EYS: variants seen among roughly 807,000 people sequenced by gnomAD.
EYS encodes protein eyes shut homolog.
Under a neutral mutation model 282.1 loss-of-function variants are expected in EYS, and 250 were observed. The ratio of observed to expected loss-of-function variants is 0.89; its 90% CI spans 0.80 to 0.98. The LOEUF (loss-of-function observed/expected upper bound fraction) is 0.98. Ranked by LOEUF, EYS falls within the 50% of genes least tolerant of loss-of-function variation. The pLI is 0.00. For synonymous variants in EYS, 1,355 were observed against 1,282.9 expected, an observed-to-expected ratio of 1.06 and a Z score of -1.20; for missense variants, 4,016 against 3,709.0, an observed-to-expected ratio of 1.08 and a Z score of -2.15.
At chr6:64,807,729 T>C (rs1027675903) in intron 22 of EYS, among the ~76,000 whole-genome samples, 2 of 152,134 alleles carry the variant, frequency 1.3e-5, no homozygotes, top group Non-Finnish European at 2.9e-5. Context: ...TTCACTTCTC[T>C]ATAAATCACC....
chr6:64,997,530 T>G (rs1014887445), intron 14 of EYS, 52 bp downstream of exon 14: 5 of 1,516,250 alleles, frequency 3.3e-6, no homozygotes, highest in Non-Finnish European at 4.5e-6. Flanking sequence ...TACATAGGTG[T>G]TAAATTATAT....
At chr6:65,126,729 G>A (rs1775730635) in intron 12 of EYS, among the ~76,000 whole-genome samples, 2 of 152,130 alleles carry the variant, frequency 1.3e-5, no homozygotes, top group Non-Finnish European at 2.9e-5. Context: ...TTTAGAGCAG[G>A]AAGCTGCCAC....
At chr6:64,812,604 ATACTT>A (rs1764631270) in intron 22 of EYS, among the ~76,000 whole-genome samples, 1 of 151,998 alleles carries the variant, frequency 6.6e-6, no homozygotes, top group Non-Finnish European at 1.5e-5. Flanking sequence ...AATGATAAGT[ATACTT>A]TACTAGTAAA....
rs372013422 is a variant in EYS at position 65,368,703 on chromosome 6, T to G, written c.1300-15086A>C. Reference sequence around the variant, plus strand: ...ATAGAACTAGAAAAACAGTAACACATGCACATGAACAATATTTAAAAGTGA... The same window carrying G: ...ATAGAACTAGAAAAACAGTAACACAGGCACATGAACAATATTTAAAAGTGA... On this transcript the variant is annotated intron_variant, in intron 8 of 42. Coordinates refer to ENST00000503581, the MANE Select transcript of EYS (RefSeq NM_001142800.2). 1.7e-4 allele frequency among the ~76,000 whole-genome samples: 26 copies of G among 151,806 alleles called. 1 individual carries two copies. The East Asian group carries it at 4.6e-3, about 27-fold the overall frequency.
rs1395465121 is a variant in EYS at position 65,653,191 on chromosome 6, C to A, written c.-447-13299G>T. Among the ~76,000 whole-genome samples the A allele has an allele frequency of 7.9e-5, 12 of 151,816 alleles. No homozygotes were observed. In the South Asian group the frequency reaches 1.5e-3, roughly 18 times the overall value. Reference sequence around the variant, plus strand: ...TTCACTTAATTTTTATCTGTGCCTACCTTTGTCCAAAACCACCCAGAAGCA... The same window carrying A: ...TTCACTTAATTTTTATCTGTGCCTAACTTTGTCCAAAACCACCCAGAAGCA... On this transcript the variant is annotated intron_variant, in intron 1 of 42. Coordinates refer to ENST00000503581, the MANE Select transcript of EYS (RefSeq NM_001142800.2).
chr6:65,536,712 G>T (rs1259682797), intron 2 of EYS, among the ~76,000 whole-genome samples: 1 of 151,976 alleles, frequency 6.6e-6, no homozygotes, highest in African/African-American at 2.4e-5. Context: ...AATTAGATAA[G>T]ACCTCAACAA....
chr6:64,955,454 G>A (rs1769666379), intron 14 of EYS, among the ~76,000 whole-genome samples: 1 of 152,116 alleles, frequency 6.6e-6, no homozygotes, highest in Non-Finnish European at 1.5e-5. Context: ...GAGAGTCTTG[G>A]GAGAGAGGCA....
At chr6:64,044,154 CA>C (rs1346869438) in intron 33 of EYS, among the ~76,000 whole-genome samples, 2 of 152,088 alleles carry the variant, frequency 1.3e-5, no homozygotes, top group African/African-American at 2.4e-5. Flanking sequence ...GTCTTTTCAG[CA>C]AAAAATTTAC....
intron 12 of EYS, among the ~76,000 whole-genome samples, chr6:65,166,271 C>T (rs985929796): frequency 1.3e-5 from 2 of 151,120 alleles, no homozygotes; most frequent in South Asian, 2.1e-4. Flanking sequence ...GTCACAAAAT[C>T]GTCCAAATAA....
intron 29 of EYS, among the ~76,000 whole-genome samples, chr6:64,355,493 G>T (rs868224144): frequency 6.6e-6 from 1 of 151,518 alleles, no homozygotes; most frequent in South Asian, 2.1e-4. Flanking sequence ...GTGGGTATTT[G>T]TATTCATTGA....
At chr6:64,281,148 A>G (rs60830181) in intron 30 of EYS, among the ~76,000 whole-genome samples, 5,800 of 152,212 alleles carry the variant, frequency 0.038, 355 homozygotes, top group African/African-American at 0.13. Flanking sequence ...GGACACTGCA[A>G]TCCTTTAATT....
At chr6:65,594,172 G>A (rs1407911012) in intron 2 of EYS, among the ~76,000 whole-genome samples, 1 of 151,942 alleles carries the variant, frequency 6.6e-6, no homozygotes, top group Non-Finnish European at 1.5e-5. Context: ...TGATTACCAT[G>A]TGCTAGGCAT....
intron 24 of EYS, among the ~76,000 whole-genome samples, chr6:64,594,060 C>A (rs1479341319): frequency 6.6e-6 from 1 of 152,022 alleles, no homozygotes; most frequent in Non-Finnish European, 1.5e-5. Context: ...AATAGGCATC[C>A]CTGCTTTAGT....
chr6:64,401,564 G>A (rs1336854286), intron 28 of EYS, among the ~76,000 whole-genome samples: 2 of 151,566 alleles, frequency 1.3e-5, no homozygotes, highest in African/African-American at 4.8e-5. Context: ...ATATTTATGG[G>A]CTACATGTGA....
rs553901974 is a variant in EYS, at chr6:63,810,007, C to T, written c.7229-3635G>A. Among the ~76,000 whole-genome samples, 130 of 150,410 alleles carry T rather than the reference C, an allele frequency of 8.6e-4. 1 individual carries two copies. The highest frequency in any genetic ancestry group is 9.2e-4 in the Non-Finnish European group (62 of 67,654). ...CTGTAATCCCAGCACTTTGGGAGGC[C>T]GAGGCGGGTGGATCATGAGGTCAGG... On this transcript the variant is annotated intron_variant, in intron 36 of 42. Coordinates refer to ENST00000503581, the MANE Select transcript of EYS (RefSeq NM_001142800.2).
At chr6:64,733,911 G>A (rs1246880344) in intron 22 of EYS, 1 of 156,642 alleles carries the variant, frequency 6.4e-6, no homozygotes, top group Non-Finnish European at 1.4e-5. Flanking sequence ...AACTGTAGAT[G>A]ACCAGTCCCA....
chr6:65,289,451 T>C (rs767476283), intron 12 of EYS, among the ~76,000 whole-genome samples: 2 of 151,108 alleles, frequency 1.3e-5, no homozygotes, highest in Non-Finnish European at 3.0e-5. Context: ...GAGTTTTTTC[T>C]TGAGGACTAC....
intron 2 of EYS, among the ~76,000 whole-genome samples, chr6:65,506,019 G>C (rs1043319543): frequency 6.6e-6 from 1 of 152,184 alleles, no homozygotes; most frequent in Non-Finnish European, 1.5e-5. Flanking sequence ...TCTTATTCCT[G>C]TCTGTTTTAT....
intron 33 of EYS, among the ~76,000 whole-genome samples, chr6:64,059,824 A>T (rs1360592115): frequency 6.6e-6 from 1 of 152,202 alleles, no homozygotes; most frequent in East Asian, 1.9e-4. Context: ...ATGCATGGAT[A>T]AAGGTGCAAG....
Sources: gnomAD v4.1 joint callset for allele counts (sites outside exome capture counted in the v4.1 genomes callset) on GRCh38, gnomAD v4.1.1 for gene constraint, MANE v1.5 for transcripts, NCBI Gene and HGNC (gene_info 2026-07-23, HGNC 2026-07-21) for gene names.